The following KDM4C variants were observed in gnomAD, a reference collection of about 807,000 sequenced individuals.
The protein encoded by KDM4C is lysine demethylase 4C.
Under a neutral mutation model 129.3 loss-of-function variants are expected in KDM4C, and 81 were observed. That is an observed-to-expected ratio of 0.63 (90% CI 0.52 to 0.75). KDM4C has a LOEUF of 0.75. Ranked by LOEUF, KDM4C falls within the 30% of genes least tolerant of loss-of-function variation. The pLI, the probability that KDM4C is intolerant of heterozygous loss-of-function variation, is 0.00. For missense variants in KDM4C, 1,457 were observed against 1,304.0 expected (o/e 1.12, Z -1.81); for synonymous variants, 573 against 456.1 (o/e 1.26, Z -3.26).
In KDM4C at chr9:7,124,237, C is replaced by T. The variant is rs536370929; in HGVS notation, c.2611-3829C>T. Among the ~76,000 whole-genome samples the T allele has an allele frequency of 1.5e-3, 234 of 152,314 alleles. 2 individuals carry two copies. The highest frequency in any genetic ancestry group is 2.6e-3 in the Non-Finnish European group (180 of 68,024). On this transcript the variant is annotated intron_variant, in intron 18 of 21. Transcript: ENST00000381309. ...CCTTGGAGGGCAAACAATTTTTATT[C>T]AACTTCCAATTTTAACAAAATATAC...
intron 17 of KDM4C, among the ~76,000 whole-genome samples, chr9:7,051,868 A>G (rs866077917): frequency 3.9e-5 from 6 of 152,162 alleles, no homozygotes; most frequent in African/African-American, 1.2e-4. Flanking sequence ...TGTTCTGTCA[A>G]CCTTGGCATT....
At chr9:7,143,130 C>G (rs1285211370) in intron 19 of KDM4C, among the ~76,000 whole-genome samples, 1 of 152,194 alleles carries the variant, frequency 6.6e-6, no homozygotes, top group East Asian at 1.9e-4. Context: ...ACCAGCATCG[C>G]TTATACTGAC....
chr9:6,913,521 A>G (rs1450695915), intron 8 of KDM4C, among the ~76,000 whole-genome samples: 1 of 152,064 alleles, frequency 6.6e-6, no homozygotes, highest in African/African-American at 2.4e-5. Context: ...CTCCATTGGG[A>G]TTTGTGAGAG....
chr9:6,764,564 T>C (rs1472158007), intron 1 of KDM4C, among the ~76,000 whole-genome samples: 2 of 152,338 alleles, frequency 1.3e-5, no homozygotes, highest in East Asian at 3.9e-4. Context: ...TTCCCTATGA[T>C]TTCATGGAAG....
At chr9:6,843,553 CCA>C (rs1460171465) in intron 4 of KDM4C, among the ~76,000 whole-genome samples, 1 of 152,124 alleles carries the variant, frequency 6.6e-6, no homozygotes, top group Non-Finnish European at 1.5e-5. Context: ...TTCAAGGTAG[CCA>C]CAGTCTTCTT....
At chr9:7,131,797 CT>C (rs753909914) in intron 19 of KDM4C, among the ~76,000 whole-genome samples, 18 of 152,192 alleles carry the variant, frequency 1.2e-4, no homozygotes, top group Non-Finnish European at 2.6e-4. Context: ...GTCTCAGTAT[CT>C]TGAAGATCGT....
At chr9:6,776,154 A>G (rs1268453646) in intron 1 of KDM4C, among the ~76,000 whole-genome samples, 3 of 152,216 alleles carry the variant, frequency 2.0e-5, no homozygotes, top group Non-Finnish European at 4.4e-5. Flanking sequence ...GTGCGATCGT[A>G]GCTCACTGAA....
At chr9:6,868,737 G>T (rs77366980) in intron 5 of KDM4C, among the ~76,000 whole-genome samples, 15,135 of 152,040 alleles carry the variant, frequency 0.1, 947 homozygotes, top group South Asian at 0.21. Context: ...CTCCATGGAT[G>T]TGGGACTCTC....
intron 1 of KDM4C, among the ~76,000 whole-genome samples, chr9:6,761,320 G>C (rs974602108): frequency 2.6e-5 from 4 of 151,842 alleles, no homozygotes; most frequent in Admixed American, 2.0e-4. Flanking sequence ...CTGGATGTCA[G>C]TATTAAGATC....
At chr9:6,859,140 A>G (rs373759323) in intron 5 of KDM4C, among the ~76,000 whole-genome samples, 1 of 152,136 alleles carries the variant, frequency 6.6e-6, no homozygotes, top group East Asian at 1.9e-4. Flanking sequence ...CATTTAGTGA[A>G]GTCCTTTGAT....
intron 4 of KDM4C, among the ~76,000 whole-genome samples, chr9:6,848,215 A>G (rs1189776390): frequency 6.6e-6 from 1 of 152,214 alleles, no homozygotes; most frequent in Non-Finnish European, 1.5e-5. Context: ...CTAATAGTGC[A>G]TTAGCACGAA....
rs571162992 is a variant in KDM4C at position 7,009,318 on chromosome 9, A to G, written c.1787-2380A>G. 3.9e-5 allele frequency among the ~76,000 whole-genome samples: 6 copies of G among 152,310 alleles called. No individual in the cohort carries two copies. In the South Asian group the frequency reaches 1.0e-3, roughly 26 times the overall value. Reference sequence around the variant, plus strand: ...TCTGAATGACTGTAGTTTGTCTGCTAATAATTTTTTTCATGGAAAAAGTGG... The same window carrying G: ...TCTGAATGACTGTAGTTTGTCTGCTGATAATTTTTTTCATGGAAAAAGTGG... On this transcript the variant is annotated intron_variant, in intron 12 of 21. Coordinates refer to ENST00000381309, the MANE Select transcript of KDM4C (RefSeq NM_015061.6).
At chr9:6,757,542 G>C (rs967240280), upstream of KDM4C, 10 of 804,100 alleles carry the variant, frequency 1.2e-5, no homozygotes, top group Non-Finnish European at 1.5e-5. Context: ...CGCTGTCATC[G>C]CCGGAGAGCT....
At chr9:6,949,409 C>T (rs1485391992) in intron 8 of KDM4C, among the ~76,000 whole-genome samples, 2 of 151,362 alleles carry the variant, frequency 1.3e-5, no homozygotes, top group South Asian at 2.1e-4. Context: ...AGTGGCCAGG[C>T]AGAGACGTTC....
intron 8 of KDM4C, among the ~76,000 whole-genome samples, chr9:6,965,987 G>A (rs193085442): frequency 4.6e-5 from 7 of 152,258 alleles, no homozygotes; most frequent in African/African-American, 1.7e-4. Flanking sequence ...CATGTTAACA[G>A]AATAAAGGAT....
chr9:6,957,722 C>G (rs1030316433), intron 8 of KDM4C, among the ~76,000 whole-genome samples: 1 of 152,064 alleles, frequency 6.6e-6, no homozygotes, highest in Non-Finnish European at 1.5e-5. Context: ...GGAGCCATGT[C>G]AAGCCAGGGT....
In KDM4C at chr9:6,777,374, T is replaced by TAA. The variant is rs563332237; in HGVS notation, c.-17-15597_-17-15596dup. On this transcript the variant is annotated intron_variant, in intron 1 of 21. Coordinates refer to ENST00000381309, the MANE Select transcript of KDM4C (RefSeq NM_015061.6). ...TTTGTTAACCTCTTGATGTTCATGT[T>TAA]AAGTACTTAAATGTTAGCTGCCCCA... is the stretch of plus-strand genomic sequence containing the variant. Among the ~76,000 whole-genome samples, 589 of 152,348 alleles carry TAA rather than the reference T, an allele frequency of 3.9e-3. 3 individuals carry two copies. The highest frequency in any genetic ancestry group is 6.7e-3 in the Non-Finnish European group (456 of 68,024).
At chr9:7,019,686 T>TTATAAAAATATAATATTTTCATA (rs1824309165) in intron 15 of KDM4C, among the ~76,000 whole-genome samples, 1 of 58,600 alleles carries the variant, frequency 1.7e-5, no homozygotes, top group African/African-American at 5.7e-5. Flanking sequence ...AGAGACTATA[T>TTATAAAAATATAATATTTTCATA]TATAAAAATA....
chr9:6,738,907 T>C (rs990025940), intron 1 of KDM4C, among the ~76,000 whole-genome samples: 4 of 151,790 alleles, frequency 2.6e-5, no homozygotes, highest in African/African-American at 9.7e-5. Flanking sequence ...TCTATATTTT[T>C]TGTAGAGATG....
Sources: allele counts gnomAD v4.1 joint callset (sites outside exome capture counted in the v4.1 genomes callset), GRCh38; gene constraint gnomAD v4.1.1; transcripts MANE v1.5; gene names NCBI Gene and HGNC (gene_info 2026-07-23, HGNC 2026-07-21).